Variants in GTF3C3 observed in about 807,000 individuals in gnomAD.
GTF3C3 encodes general transcription factor 3C polypeptide 3.
In GTF3C3, 75 loss-of-function variants were observed where a neutral mutation model predicts 105.2. That is an observed-to-expected ratio of 0.71 (90% CI 0.59 to 0.86). The LOEUF is 0.86. GTF3C3 is among the 40% of genes least tolerant of loss of function. GTF3C3 has a pLI of 0.00. For synonymous variants in GTF3C3, 335 were observed against 370.4 expected, an observed-to-expected ratio of 0.90 and a Z score of 1.10; for missense variants, 856 against 1,076.5, an observed-to-expected ratio of 0.80 and a Z score of 2.87.
intron 16 of GTF3C3, 65 bp downstream of exon 16, chr2:196,769,850 A>T (rs1212889319): frequency 8.7e-6 from 12 of 1,373,218 alleles, no homozygotes; most frequent in African/African-American, 2.9e-5. Context: ...TTTTTAAAAA[A>T]AGTATTAAGT....
At chr2:196,773,276 G>A (rs1699208200) in intron 13 of GTF3C3, 123 bp from the exon 14 acceptor site, 1 of 674,754 alleles carries the variant, frequency 1.5e-6, no homozygotes, top group Non-Finnish European at 2.7e-6. Flanking sequence ...TGTTGCCAGT[G>A]CTCTCCGGAC....
rs1378799829 is a variant in GTF3C3 at position 196,771,757 on chromosome 2, G to A, written c.2251C>T (p.His751Tyr). The A allele has an allele frequency of 1.2e-6, 2 of 1,610,058 alleles. No individual in the cohort carries two copies. The highest frequency in any genetic ancestry group is 1.7e-4 in the Middle Eastern group (1 of 6,052). Residue 751 changes from histidine (H) to tyrosine (Y), a missense_variant, in exon 15 of 18, where the codon CAT becomes TAT. Transcript: ENST00000263956. ...GTGCCAGGACACTTACCAAGCGCAT[G>A]CTTAAAACTACCAGATACAAATGCA... ...HNAFVSGSFK[H>Y]ALGQYVQAFR... is the part of the protein sequence containing the mutation.
chr2:196,778,642 G>A lies in GTF3C3; in HGVS notation c.1390+254C>T, dbSNP rs1699295872. On this transcript the variant is annotated intron_variant, in intron 10 of 17. Coordinates refer to ENST00000263956, the MANE Select transcript of GTF3C3 (RefSeq NM_012086.5). Reference sequence around the variant, plus strand: ...AAACCAGACCCTATGGTTAAGAGAGGTTCAAGACAGGCATCTAAGGGAAAT... The same window carrying A: ...AAACCAGACCCTATGGTTAAGAGAGATTCAAGACAGGCATCTAAGGGAAAT... 2.2e-5 allele frequency: 11 copies of A among 499,802 alleles called. No individual in the cohort carries two copies. In the South Asian group the frequency reaches 2.2e-4, roughly 10 times the overall value. 31.0% of individuals were successfully genotyped at this position (499,802 alleles called of 1,614,324 possible).
rs1699331508 is a variant in GTF3C3, at chr2:196,780,554, C to T, written c.1218+5G>A. The T allele has an allele frequency of 6.2e-7, 1 of 1,611,338 alleles. No individual in the cohort carries two copies. The highest frequency in any genetic ancestry group is 8.5e-7 in the Non-Finnish European group (1 of 1,178,150). On this transcript the variant is annotated splice_donor_5th_base_variant and intron_variant, in intron 9 of 17. Transcript: ENST00000263956. ...AGTATCTCAAGTGCAGATCTTGTTA[C>T]ATACATTAAGTGGTTCAAGAATGTT...
In GTF3C3 at chr2:196,776,190, TA is replaced by T. The variant is rs372940756; in HGVS notation, c.1594-80del. On this transcript the variant is annotated intron_variant, in intron 11 of 17. Coordinates refer to ENST00000263956, the MANE Select transcript of GTF3C3 (RefSeq NM_012086.5). The surrounding 1 kb of genome is among the most constrained non-coding windows in gnomAD (Gnocchi z 4.5). ...TGTTTTATTTGCATAGAAACATTTT[TA>T]AAAAAACAAACCATATTGCTTTATG... The T allele has an allele frequency of 7.7e-4, 649 of 843,910 alleles. 3 individuals are homozygous for T. The East Asian group carries it at 9.5e-3, about 12-fold the overall frequency. 52.3% of individuals were successfully genotyped at this position (843,910 alleles called of 1,614,324 possible). A position where few individuals can be genotyped will look rare whatever the true frequency, so the allele number is the denominator to read the frequency against.
chr2:196,778,542 A>AT (rs762675484), intron 10 of GTF3C3: 2 of 225,024 alleles, frequency 8.9e-6, no homozygotes, highest in African/African-American at 2.3e-5. Context: ...TTTTCCCAAT[A>AT]TAACATATTA....
rs963768354 is a variant in GTF3C3, at chr2:196,776,749, G to A, written c.1391-120C>T. ...AAAAATTATAACAAGAAATGAATGC[G>A]TATTTCTAGTACTTTAAAACTATCC... On this transcript the variant is annotated intron_variant, in intron 10 of 17. Coordinates refer to ENST00000263956, the MANE Select transcript of GTF3C3 (RefSeq NM_012086.5). This position sits in a 1 kb window ranked among gnomAD's most constrained non-coding sequence, Gnocchi z 4.5. 3.9e-5 allele frequency: 25 copies of A among 649,168 alleles called. No individual in the cohort carries two copies. Among genetic ancestry groups the A allele is most frequent in the South Asian group, 3.0e-4 (15 of 49,450 alleles). The allele number at this position is 649,168 out of a possible 1,614,324, so 40.2% of individuals were successfully genotyped here. A position where few individuals can be genotyped will look rare whatever the true frequency, so the allele number is the denominator to read the frequency against.
chr2:196,799,450 C>T (rs1334710864), intron 1 of GTF3C3, 60 bp downstream of exon 1: 3 of 1,287,464 alleles, frequency 2.3e-6, no homozygotes, highest in Non-Finnish European at 2.3e-6. Flanking sequence ...CTGGGTCCCC[C>T]ACACCTAAGG....
intron 8 of GTF3C3, among the ~76,000 whole-genome samples, chr2:196,783,184 T>C (rs183914364): frequency 0.01 from 1,476 of 147,582 alleles, 11 homozygotes; most frequent in Non-Finnish European, 0.016. Context: ...ACCGTTATTT[T>C]ACATGCTAAA....
chr2:196,774,373 G>T (rs1364782064), intron 13 of GTF3C3, among the ~76,000 whole-genome samples: 1 of 152,204 alleles, frequency 6.6e-6, no homozygotes, highest in Admixed American at 6.5e-5. Context: ...TAACTATGAA[G>T]AGAACAGAGC....
At position 196,793,079 on chromosome 2, in the gene GTF3C3, A is replaced by C. The variant is rs1261273831; in HGVS notation, c.288T>G (p.Asp96Glu). 1.2e-6 allele frequency: 2 copies of C among 1,612,728 alleles called. No individual in the cohort carries two copies. Among genetic ancestry groups the C allele is most frequent in the Non-Finnish European group, 1.7e-6 (2 of 1,179,214 alleles). Residue 96 changes from aspartate (D) to glutamate (E), a missense_variant, in exon 3 of 18, where the codon GAT (aspartate) becomes GAG (glutamate). Asp to Glu is a conservative substitution (Grantham distance 45, BLOSUM62 2). Around this residue, in one of 3 missense-constraint regions of GTF3C3, gnomAD observed 117 missense variants for 114.0 expected, o/e 1.03. Coordinates refer to ENST00000263956, the MANE Select transcript of GTF3C3 (RefSeq NM_012086.5). Reference sequence around the variant, plus strand: ...CCTCCTCTTCTTCCTCTTCCTCCTCATCATCTTCATTCTCTCCAAGCATGG... The same window carrying C: ...CCTCCTCTTCTTCCTCTTCCTCCTCCTCATCTTCATTCTCTCCAAGCATGG... The part of the protein sequence containing the change: ...FASMLGENED[D>E]EEEEEEEEEE...
chr2:196,784,177 C>G (rs1395552831), intron 8 of GTF3C3, among the ~76,000 whole-genome samples: 1 of 152,144 alleles, frequency 6.6e-6, no homozygotes, highest in Non-Finnish European at 1.5e-5. Context: ...GACTCAGTAC[C>G]AACTCACTTG....
In GTF3C3 at chr2:196,791,264, T is replaced by G; in HGVS notation, c.535+73A>C. The G allele has an allele frequency of 2.1e-6, 3 of 1,447,138 alleles. 1 individual carries two copies. In the South Asian group the frequency reaches 3.5e-5, roughly 17 times the overall value. The allele number at this position is 1,447,138 out of a possible 1,614,324, so 89.6% of individuals were successfully genotyped here. On this transcript the variant is annotated intron_variant, in intron 4 of 17. Coordinates refer to ENST00000263956, the MANE Select transcript of GTF3C3 (RefSeq NM_012086.5). Reference sequence around the variant, plus strand: ...TGAACATATTTTCCAAATAGTACTGTGAAGTGCTCCCCCATTTGTTTTAAG... The same window carrying G: ...TGAACATATTTTCCAAATAGTACTGGGAAGTGCTCCCCCATTTGTTTTAAG...
Position 196,764,657 on chromosome 2 carries a change from C to T in GTF3C3, c.2567G>A (p.Arg856Gln), listed in dbSNP as rs763347898. The part of the protein sequence containing the change: ...EGIELDQLDL[R>Q]RDIAYNLSLI... Reference sequence around the variant, plus strand: ...AGACAAGTTGTAGGCAATATCTCTTCGTAAGTCTAACTGGTCAAGTTCTAT... The same window carrying T: ...AGACAAGTTGTAGGCAATATCTCTTTGTAAGTCTAACTGGTCAAGTTCTAT... The change falls in exon 18 of 18, where the codon CGA (arginine) becomes CAA (glutamine). Residue 856 changes from arginine (R) to glutamine (Q), a missense_variant. This residue lies in a region of GTF3C3 where 134 missense variants were observed against 128.9 expected (regional missense o/e 1.04). Transcript: ENST00000263956. 4.6e-5 allele frequency: 74 copies of T among 1,611,648 alleles called. No homozygotes were observed. The highest frequency in any genetic ancestry group is 5.9e-5 in the Non-Finnish European group (69 of 1,178,000).
chr2:196,768,023 A>ATTCTG (rs1264582937), intron 16 of GTF3C3, among the ~76,000 whole-genome samples: 1 of 152,188 alleles, frequency 6.6e-6, no homozygotes, highest in East Asian at 1.9e-4. Context: ...CTATTGTTCT[A>ATTCTG]TTCTGTTCTG....
chr2:196,789,388 A>C lies in GTF3C3; in HGVS notation c.728-19T>G. 1 of 1,556,348 alleles carries C rather than the reference A, an allele frequency of 6.4e-7. No homozygotes were observed. The highest frequency in any genetic ancestry group is 8.7e-7 in the Non-Finnish European group (1 of 1,147,456). On this transcript the variant is annotated intron_variant, in intron 5 of 17. Transcript: ENST00000263956. ...TTAAGAGCTAAAAAGAAAGAAATAC[A>C]AATTATTTACCACAAAAAGGGGTGC...
chr2:196,785,952 C>T lies in GTF3C3; in HGVS notation c.894-364G>A, dbSNP rs62185605. On this transcript the variant is annotated intron_variant, in intron 6 of 17. Coordinates refer to ENST00000263956, the MANE Select transcript of GTF3C3 (RefSeq NM_012086.5). ...ACTTTCTTCCTTCTCCATGGCCCAACGTTATAGCTATTCCTTTGCATACAT... is the reference window on the plus strand; with the variant it reads ...ACTTTCTTCCTTCTCCATGGCCCAATGTTATAGCTATTCCTTTGCATACAT... 3.9e-3 allele frequency among the ~76,000 whole-genome samples: 600 copies of T among 152,248 alleles called. 4 individuals are homozygous for T. Among genetic ancestry groups the T allele is most frequent in the Non-Finnish European group, 6.8e-3 (465 of 68,012 alleles).
rs1387050169 is a variant in GTF3C3 at position 196,771,302 on chromosome 2, TG to T, written c.2260+445del. 2.6e-5 allele frequency among the ~76,000 whole-genome samples: 4 copies of T among 152,302 alleles called. No homozygotes were observed. In the East Asian group the frequency reaches 7.7e-4, roughly 29 times the overall value. On this transcript the variant is annotated intron_variant, in intron 15 of 17. Coordinates refer to ENST00000263956, the MANE Select transcript of GTF3C3 (RefSeq NM_012086.5). ...GAATGAACTTTCAGCAAATCTTGAATGTTTTGCATTATGGCAAATTAAAATC... is the reference window on the plus strand; with the variant it reads ...GAATGAACTTTCAGCAAATCTTGAATTTTTGCATTATGGCAAATTAAAATC...
At position 196,780,651 on chromosome 2, in the gene GTF3C3, C is replaced by G. The variant is rs773109999; in HGVS notation, c.1126G>C (p.Val376Leu). The G allele has an allele frequency of 6.2e-7, 1 of 1,611,048 alleles. No homozygotes were observed. The highest frequency in any genetic ancestry group is 8.5e-7 in the Non-Finnish European group (1 of 1,177,892). Reference protein sequence around the residue: ...TSEENKAPENVTCTIPDGVPI... With the variant: ...TSEENKAPENLTCTIPDGVPI... ...ACGCCATCAGGTATAGTGCAGGTAA[C>G]ATTCTCAGGAGCTGGAGAATACACA... Residue 376 changes from valine to leucine, a missense_variant, in exon 9 of 18, where the codon GTT (valine) becomes CTT (leucine). Around this residue, in one of 3 missense-constraint regions of GTF3C3, gnomAD observed 605 missense variants for 833.6 expected, o/e 0.73. Transcript: ENST00000263956.
Sources: allele counts gnomAD v4.1 joint callset (sites outside exome capture counted in the v4.1 genomes callset), GRCh38; gene constraint gnomAD v4.1.1; regional missense constraint gnomAD v4.1.1; non-coding constraint Gnocchi (gnomAD v3.1); transcripts MANE v1.5; gene names NCBI Gene and HGNC (gene_info 2026-07-23, HGNC 2026-07-21).